MAMDC2: variants seen among roughly 807,000 people sequenced by gnomAD.
MAMDC2 encodes MAM domain-containing protein 2.
In MAMDC2, 57 loss-of-function variants were observed where a neutral mutation model predicts 89.8. The ratio of observed to expected loss-of-function variants is 0.63; its 90% CI spans 0.51 to 0.79. MAMDC2 has a LOEUF of 0.79. Among genes scored for constraint, MAMDC2 ranks in the 30% least tolerant of loss-of-function variants. MAMDC2 has a pLI of 0.00. For missense variants in MAMDC2, 800 were observed against 820.6 expected (o/e 0.97, Z 0.31); for synonymous variants, 313 against 293.4 (o/e 1.07, Z -0.68).
intron 2 of MAMDC2, among the ~76,000 whole-genome samples, chr9:70,054,113 C>G (rs982161840): frequency 1.1e-4 from 17 of 152,068 alleles, no homozygotes; most frequent in African/African-American, 3.9e-4. Context: ...TTCTGAGCTG[C>G]CTGGGACACA....
At chr9:70,115,653 T>G (rs1443367414) in intron 5 of MAMDC2, among the ~76,000 whole-genome samples, 1 of 152,164 alleles carries the variant, frequency 6.6e-6, no homozygotes, top group Non-Finnish European at 1.5e-5. Flanking sequence ...GACAAAGGAT[T>G]GGAGTTTTTC....
At chr9:70,064,653 T>C (rs1362065772) in intron 2 of MAMDC2, among the ~76,000 whole-genome samples, 2 of 152,198 alleles carry the variant, frequency 1.3e-5, no homozygotes, top group Admixed American at 6.5e-5. Flanking sequence ...TCTGTTTCCA[T>C]CCATGCCATG....
At chr9:70,051,924 TAGAC>T (rs796094259) in intron 2 of MAMDC2, among the ~76,000 whole-genome samples, 45 of 151,962 alleles carry the variant, frequency 3.0e-4, no homozygotes, top group African/African-American at 9.9e-4. Flanking sequence ...GATAGATAGA[TAGAC>T]AGACAGATAG....
At chr9:70,191,404 CATA>C (rs1403739269) in intron 11 of MAMDC2, among the ~76,000 whole-genome samples, 1 of 151,916 alleles carries the variant, frequency 6.6e-6, no homozygotes, top group East Asian at 1.9e-4. Context: ...AATTATTAAT[CATA>C]ATTATTTACA....
At chr9:70,212,546 A>G (rs1233124581) in intron 11 of MAMDC2, among the ~76,000 whole-genome samples, 1 of 152,146 alleles carries the variant, frequency 6.6e-6, no homozygotes, top group African/African-American at 2.4e-5. Context: ...CTTGGCTAGG[A>G]AAGGGAATTC....
At chr9:70,119,179 C>T (rs1439179996) in intron 5 of MAMDC2, among the ~76,000 whole-genome samples, 1 of 129,102 alleles carries the variant, frequency 7.7e-6, no homozygotes, top group African/African-American at 3.3e-5. Context: ...TTTCTACATA[C>T]CTTAGCAAAA....
At chr9:70,199,714 T>C (rs1478050531) in intron 11 of MAMDC2, among the ~76,000 whole-genome samples, 2 of 125,234 alleles carry the variant, frequency 1.6e-5, no homozygotes, top group African/African-American at 2.9e-5. Flanking sequence ...CAGCACCTGT[T>C]GTTTCCTGAC....
chr9:70,161,258 T>C (rs1587529280), intron 9 of MAMDC2, among the ~76,000 whole-genome samples: 2 of 152,214 alleles, frequency 1.3e-5, no homozygotes, highest in South Asian at 4.1e-4. Flanking sequence ...GCTACAGGCC[T>C]GTATTCTATC....
intron 11 of MAMDC2, among the ~76,000 whole-genome samples, chr9:70,191,182 T>A (rs1587556670): frequency 6.6e-6 from 1 of 152,258 alleles, no homozygotes; most frequent in East Asian, 1.9e-4. Context: ...AGCCTTTGAT[T>A]AATTCCCAGA....
intron 1 of MAMDC2, 137 bp from the exon 2 acceptor site, chr9:70,044,447 A>T: frequency 1.2e-6 from 1 of 806,110 alleles, no homozygotes; most frequent in Non-Finnish European, 2.0e-6. Context: ...ATGCTGGGGG[A>T]CAGGTACTGC....
intron 11 of MAMDC2, among the ~76,000 whole-genome samples, chr9:70,204,115 G>A (rs1323051007): frequency 6.6e-6 from 1 of 152,056 alleles, no homozygotes; most frequent in Non-Finnish European, 1.5e-5. Context: ...GCGTTCCTCT[G>A]GAGGAGGAGA....
intron 2 of MAMDC2, among the ~76,000 whole-genome samples, chr9:70,055,199 G>A (rs1269404420): frequency 2.7e-5 from 4 of 149,200 alleles, no homozygotes; most frequent in Non-Finnish European, 6.0e-5. Flanking sequence ...TAATGAGATA[G>A]TTATGCAATA....
intron 11 of MAMDC2, among the ~76,000 whole-genome samples, chr9:70,179,667 A>G (rs1412510230): frequency 6.6e-6 from 1 of 151,344 alleles, no homozygotes; most frequent in Non-Finnish European, 1.5e-5. Flanking sequence ...CATAAACTCA[A>G]TATTACATTT....
intron 11 of MAMDC2, among the ~76,000 whole-genome samples, chr9:70,191,874 C>T (rs749130760): frequency 1.3e-5 from 2 of 152,100 alleles, no homozygotes; most frequent in Non-Finnish European, 2.9e-5. Flanking sequence ...TCTTACTCTC[C>T]GTAATTTAAG....
chr9:70,125,870 C>G (rs2030513035), intron 5 of MAMDC2, among the ~76,000 whole-genome samples: 1 of 152,270 alleles, frequency 6.6e-6, no homozygotes, highest in East Asian at 1.9e-4. Flanking sequence ...ACAGATGACA[C>G]ATCTACCTTT....
At position 70,191,761 on chromosome 9, in the gene MAMDC2, C is replaced by T. The variant is rs1309883122; in HGVS notation, c.1651+21130C>T. ...TCCAAAAATATACTCTCGGATTTAA[C>T]TAGGGACTCTCCTCCTTAGTATGTA... On this transcript the variant is annotated intron_variant, in intron 11 of 13. Coordinates refer to ENST00000377182, the MANE Select transcript of MAMDC2 (RefSeq NM_153267.5). 2.0e-5 allele frequency among the ~76,000 whole-genome samples: 3 copies of T among 152,120 alleles called. No homozygotes were observed. In the East Asian group the frequency reaches 5.8e-4, roughly 29 times the overall value.
At chr9:70,113,943 T>C (rs1247916691) in intron 5 of MAMDC2, 1 of 152,166 alleles carries the variant, frequency 6.6e-6, no homozygotes, top group Non-Finnish European at 1.5e-5. Flanking sequence ...CGCATAGATA[T>C]TGAGGTAATA....
chr9:70,142,705 A>T (rs2031266700), intron 8 of MAMDC2, among the ~76,000 whole-genome samples: 1 of 152,128 alleles, frequency 6.6e-6, no homozygotes, highest in Non-Finnish European at 1.5e-5. Context: ...TGGTGTATGG[A>T]GGCATAGAGA....
chr9:70,054,033 T>G (rs1826971733), intron 2 of MAMDC2, among the ~76,000 whole-genome samples: 1 of 152,162 alleles, frequency 6.6e-6, no homozygotes, highest in Admixed American at 6.6e-5. Flanking sequence ...AGCTGTTTGG[T>G]TGATGGTGCC....
Sources: allele counts gnomAD v4.1 joint callset (sites outside exome capture counted in the v4.1 genomes callset), GRCh38; gene constraint gnomAD v4.1.1; transcripts MANE v1.5; gene names NCBI Gene and HGNC (gene_info 2026-07-23, HGNC 2026-07-21).